The following CD4 variants were observed in gnomAD, a reference collection of about 807,000 sequenced individuals.
CD4 encodes CD4 molecule.
In CD4, 25 loss-of-function variants were observed where a neutral mutation model predicts 50.5. The observed-to-expected ratio is 0.49, with a 90% CI of 0.36 to 0.69. CD4 has a LOEUF of 0.69. Ranked by LOEUF, CD4 falls within the 30% of genes least tolerant of loss-of-function variation. The pLI, the probability that CD4 is intolerant of heterozygous loss-of-function variation, is 0.00. For synonymous variants in CD4, 207 were observed against 221.9 expected (o/e 0.93, Z 0.60); for missense variants, 456 against 548.5 (o/e 0.83, Z 1.68).
chr12:6,810,895 T>A (rs1270134076), intron 3 of CD4, among the ~76,000 whole-genome samples: 7 of 151,964 alleles, frequency 4.6e-5, no homozygotes, highest in Non-Finnish European at 7.4e-5. Context: ...GAAGTTTTTT[T>A]AAAAAGTGTG....
intron 1 of CD4, among the ~76,000 whole-genome samples, chr12:6,797,756 T>C (rs772038062): frequency 1.3e-5 from 2 of 152,124 alleles, no homozygotes; most frequent in African/African-American, 2.4e-5. Context: ...AACATCTCAG[T>C]GTAGTAAAGA....
At chr12:6,813,305 C>T (rs1591560159) in intron 3 of CD4, among the ~76,000 whole-genome samples, 1 of 151,700 alleles carries the variant, frequency 6.6e-6, no homozygotes, top group African/African-American at 2.4e-5. Flanking sequence ...AATCTTTCCA[C>T]CTCGATCTTT....
intron 3 of CD4, among the ~76,000 whole-genome samples, chr12:6,807,492 T>A (rs1262916490): frequency 6.6e-6 from 1 of 152,166 alleles, no homozygotes; most frequent in African/African-American, 2.4e-5. Context: ...TTAATCCATT[T>A]ATATAACATT....
chr12:6,818,554 C>T lies in CD4; in HGVS notation c.1278+12C>T. ...GCCGGCACCGAAGGGTGAGTAACCC[C>T]ACACCTGGTCCCCACAAGGCCCTCA... On this transcript the variant is annotated intron_variant, in intron 8 of 9. Coordinates refer to ENST00000011653, the MANE Select transcript of CD4 (RefSeq NM_000616.5). The surrounding 1 kb of genome is among the most constrained non-coding windows in gnomAD (Gnocchi z 5.0). 1.2e-6 allele frequency: 2 copies of T among 1,612,274 alleles called. No homozygotes were observed. Among genetic ancestry groups the T allele is most frequent in the Non-Finnish European group, 1.7e-6 (2 of 1,179,972 alleles).
At chr12:6,807,998 T>G (rs1485442103) in intron 3 of CD4, among the ~76,000 whole-genome samples, 1 of 146,952 alleles carries the variant, frequency 6.8e-6, no homozygotes, top group African/African-American at 2.5e-5. Flanking sequence ...GAGAATTGCT[T>G]GAACCCGGGA....
At chr12:6,796,772 A>G (rs1942387991) in intron 1 of CD4, among the ~76,000 whole-genome samples, 2 of 152,344 alleles carry the variant, frequency 1.3e-5, no homozygotes, top group Admixed American at 1.3e-4. Flanking sequence ...ACTTGAGCCC[A>G]GGAGTTCCAG....
chr12:6,794,778 T>G (rs1224362771), intron 1 of CD4, among the ~76,000 whole-genome samples: 1 of 132,472 alleles, frequency 7.5e-6, no homozygotes, highest in Non-Finnish European at 1.6e-5. Flanking sequence ...TATGTCTGTT[T>G]TTTTTTTGTT....
rs201743924 is a variant in CD4 at position 6,816,197 on chromosome 12, C to G, written c.749C>G (p.Ser250Cys). 5.6e-6 allele frequency: 9 copies of G among 1,614,142 alleles called. No homozygotes were observed. The South Asian group carries it at 8.8e-5, about 16-fold the overall frequency. ...GCGGAGAGGGCTTCCTCCTCCAAGT[C>G]TTGGATCACCTTTGACCTGAAGAAC... ...WQAERASSSKSWITFDLKNKE... is the reference protein window; with the variant it reads ...WQAERASSSKCWITFDLKNKE... Residue 250 changes from serine (S) to cysteine (C), a missense_variant, in exon 6 of 10, where the codon TCT (serine) becomes TGT (cysteine). Coordinates refer to ENST00000011653, the MANE Select transcript of CD4 (RefSeq NM_000616.5). This position sits in a 1 kb window ranked among gnomAD's most constrained non-coding sequence, Gnocchi z 4.9.
chr12:6,803,535 A>G (rs1942625689), intron 3 of CD4, among the ~76,000 whole-genome samples: 1 of 151,616 alleles, frequency 6.6e-6, no homozygotes, highest in African/African-American at 2.4e-5. Context: ...CTGTAATCCC[A>G]GCACTTTGGG....
Position 6,812,074 on chromosome 12 carries a change from C to T in CD4, c.215-2068C>T, listed in dbSNP as rs116307402. 3.7e-3 allele frequency among the ~76,000 whole-genome samples: 565 copies of T among 152,234 alleles called. 2 individuals carry two copies. Among genetic ancestry groups the T allele is most frequent in the African/African-American group, 0.012 (517 of 41,520 alleles). ...GGGCTGCATTTTAATCCTAGCTCCA[C>T]CACTTACGGGAGTCAAAATTCAAAA... On this transcript the variant is annotated intron_variant, in intron 3 of 9. Transcript: ENST00000011653.
At chr12:6,808,494 C>T (rs1421392728) in intron 3 of CD4, among the ~76,000 whole-genome samples, 8 of 129,048 alleles carry the variant, frequency 6.2e-5, no homozygotes, top group Non-Finnish European at 1.0e-4. Flanking sequence ...TGAAGTTTAC[C>T]TTTTTTTTTA....
At chr12:6,806,581 A>G (rs1284797219) in intron 3 of CD4, among the ~76,000 whole-genome samples, 2 of 152,200 alleles carry the variant, frequency 1.3e-5, no homozygotes, top group African/African-American at 2.4e-5. Context: ...ATGATAAACA[A>G]CTCTCAAAAC....
chr12:6,794,360 C>T (rs1942297705), intron 1 of CD4, among the ~76,000 whole-genome samples: 2 of 145,656 alleles, frequency 1.4e-5, no homozygotes, highest in African/African-American at 2.6e-5. Flanking sequence ...AGCCACCGTG[C>T]CTGGACATAT....
chr12:6,811,991 A>AT (rs1257706625), intron 3 of CD4, among the ~76,000 whole-genome samples: 1 of 151,932 alleles, frequency 6.6e-6, no homozygotes, highest in East Asian at 1.9e-4. Flanking sequence ...TTTTAAAATA[A>AT]TTTTTTTTAG....
intron 3 of CD4, among the ~76,000 whole-genome samples, chr12:6,811,772 A>G (rs950882047): frequency 6.6e-6 from 1 of 151,050 alleles, no homozygotes; most frequent in Non-Finnish European, 1.5e-5. Flanking sequence ...TGGCCTCCCA[A>G]AGTGCTGGGA....
rs201514796 is a variant in CD4 at position 6,815,003 on chromosome 12, C to G, written c.607+11C>G. ...ACATCGTGGTGCTAGGTAAGGGAAG[C>G]CCCTCTTCGCGCAGTCTCCTCCCTG... On this transcript the variant is annotated intron_variant, in intron 5 of 9. Coordinates refer to ENST00000011653, the MANE Select transcript of CD4 (RefSeq NM_000616.5). The G allele has an allele frequency of 8.2e-6, 13 of 1,577,524 alleles. No individual in the cohort carries two copies. Among genetic ancestry groups the G allele is most frequent in the South Asian group, 1.1e-5 (1 of 89,894 alleles).
chr12:6,806,519 A>T (rs1363510633), intron 3 of CD4, among the ~76,000 whole-genome samples: 2 of 152,186 alleles, frequency 1.3e-5, no homozygotes, highest in African/African-American at 4.8e-5. Context: ...TACAGAATAT[A>T]AGAAAATATA....
chr12:6,808,233 T>A (rs1942829364), intron 3 of CD4, among the ~76,000 whole-genome samples: 1 of 100,794 alleles, frequency 9.9e-6, no homozygotes, highest in African/African-American at 3.9e-5. Flanking sequence ...GGCGGGTGGA[T>A]CACGAGGTCA....
chr12:6,815,659 T>C (rs1591563014), intron 5 of CD4: 1 of 1,134,674 alleles, frequency 8.8e-7, no homozygotes, highest in Non-Finnish European at 1.2e-6. Flanking sequence ...AGGACTGATA[T>C]ACGTAAGGCA....
Sources: gnomAD v4.1 joint callset for allele counts (sites outside exome capture counted in the v4.1 genomes callset) on GRCh38, gnomAD v4.1.1 for gene constraint, Gnocchi (gnomAD v3.1) non-coding constraint, MANE v1.5 for transcripts, NCBI Gene and HGNC (gene_info 2026-07-23, HGNC 2026-07-21) for gene names.